SYTL3: variants seen among roughly 807,000 people sequenced by gnomAD.
The protein encoded by SYTL3 is synaptotagmin like 3.
A neutral mutation model predicts 82.1 loss-of-function variants in SYTL3; 88 were observed. The observed-to-expected ratio is 1.07, with a 90% CI of 0.90 to 1.28. SYTL3 has a LOEUF of 1.28. Among genes scored for constraint, SYTL3 ranks in the 50% most tolerant of loss-of-function variants. The pLI is 0.00. For missense variants in SYTL3, 831 were observed against 757.6 expected, an observed-to-expected ratio of 1.10 and a Z score of -1.14; for synonymous variants, 311 against 289.4, an observed-to-expected ratio of 1.07 and a Z score of -0.76.
At position 158,707,529 on chromosome 6, in the gene SYTL3, T is replaced by G. The variant is rs142561728; in HGVS notation, c.446+248T>G. Among the ~76,000 whole-genome samples, 21 of 152,382 alleles carry G rather than the reference T, an allele frequency of 1.4e-4. No homozygotes were observed. In the East Asian group the frequency reaches 3.7e-3, roughly 27 times the overall value. ...TAGACATTCAGCTCTACTTCTTAAATTCTCCTGAAGTGTTATAAGGAAACT... is the reference window on the plus strand; with the variant it reads ...TAGACATTCAGCTCTACTTCTTAAAGTCTCCTGAAGTGTTATAAGGAAACT... On this transcript the variant is annotated intron_variant, in intron 7 of 17. Transcript: ENST00000611299.
intron 11 of SYTL3, among the ~76,000 whole-genome samples, chr6:158,727,689 C>CTTTTTT (rs55657606): frequency 2.8e-5 from 3 of 106,728 alleles, no homozygotes; most frequent in African/African-American, 8.7e-5. Context: ...TCCAAGTACT[C>CTTTTTT]TTTTTTTTTT....
intron 11 of SYTL3, among the ~76,000 whole-genome samples, chr6:158,733,959 G>C (rs1475576484): frequency 1.3e-5 from 2 of 151,794 alleles, no homozygotes; most frequent in East Asian, 3.9e-4. Context: ...TTAGCCAGGC[G>C]TGATGGCGGG....
chr6:158,653,103 T>C (rs1788231723), intron 2 of SYTL3, among the ~76,000 whole-genome samples: 2 of 152,228 alleles, frequency 1.3e-5, no homozygotes. Flanking sequence ...ATGCGTGCTG[T>C]CTCATTGTTG....
At chr6:158,714,464 C>T (rs1783129845) in intron 9 of SYTL3, among the ~76,000 whole-genome samples, 1 of 151,894 alleles carries the variant, frequency 6.6e-6, no homozygotes, top group African/African-American at 2.4e-5. Flanking sequence ...AATTACTTGC[C>T]TTTCTCCTCT....
At chr6:158,695,996 A>G (rs1780516908) in intron 6 of SYTL3, among the ~76,000 whole-genome samples, 2 of 152,206 alleles carry the variant, frequency 1.3e-5, no homozygotes, top group African/African-American at 4.8e-5. Flanking sequence ...ACATTGGTGT[A>G]CAAATATTTA....
chr6:158,757,418 C>T (rs770016278), intron 14 of SYTL3, 37 bp downstream of exon 14: 2 of 1,603,766 alleles, frequency 1.2e-6, no homozygotes, highest in East Asian at 2.2e-5. Context: ...CCTCCATCCC[C>T]ACTGTGATAG....
intron 6 of SYTL3, among the ~76,000 whole-genome samples, chr6:158,684,810 T>TAAA (rs370131896): frequency 5.6e-5 from 7 of 125,484 alleles, no homozygotes; most frequent in African/African-American, 1.8e-4. Flanking sequence ...TGGCTCTTCT[T>TAAA]AAAAAAAAAA....
In SYTL3 at chr6:158,680,763, T is replaced by C. The variant is rs79468890; in HGVS notation, c.330-2162T>C. 8.4e-3 allele frequency among the ~76,000 whole-genome samples: 1,275 copies of C among 152,128 alleles called. 8 individuals carry two copies. The highest frequency in any genetic ancestry group is 0.021 in the South Asian group (100 of 4,810). ...CCAGACCCTGTCTCAAAAAAAATTATGAAATTCTTAAATGCTCTTTCTATA... is the reference window on the plus strand; with the variant it reads ...CCAGACCCTGTCTCAAAAAAAATTACGAAATTCTTAAATGCTCTTTCTATA... On this transcript the variant is annotated intron_variant, in intron 5 of 17. Transcript: ENST00000611299.
chr6:158,703,783 A>G (rs1358315295), intron 6 of SYTL3, among the ~76,000 whole-genome samples: 1 of 151,292 alleles, frequency 6.6e-6, no homozygotes, highest in Non-Finnish European at 1.5e-5. Flanking sequence ...GCATGCTTTC[A>G]TATGTCCTGT....
At chr6:158,723,112 T>TG (rs1784321123) in intron 10 of SYTL3, among the ~76,000 whole-genome samples, 1 of 121,006 alleles carries the variant, frequency 8.3e-6, no homozygotes, top group Non-Finnish European at 1.7e-5. Flanking sequence ...TTTTTTTTTT[T>TG]GAGACAGAGT....
intron 8 of SYTL3, among the ~76,000 whole-genome samples, chr6:158,709,420 G>A (rs1450686391): frequency 6.6e-6 from 1 of 152,112 alleles, no homozygotes. Context: ...TGCAAAGTAC[G>A]GTTTCTACTG....
At chr6:158,679,489 A>G (rs1778416547) in intron 5 of SYTL3, among the ~76,000 whole-genome samples, 1 of 152,198 alleles carries the variant, frequency 6.6e-6, no homozygotes, top group South Asian at 2.1e-4. Context: ...ACCCGGGCCA[A>G]ACCTAGTATT....
intron 10 of SYTL3, among the ~76,000 whole-genome samples, chr6:158,719,522 C>T (rs1783823801): frequency 6.6e-6 from 1 of 152,202 alleles, no homozygotes; most frequent in South Asian, 2.1e-4. Flanking sequence ...TCTCAGACCA[C>T]ACTTCAGGAG....
chr6:158,761,851 T>C (rs1339761588), intron 15 of SYTL3, among the ~76,000 whole-genome samples: 1 of 152,112 alleles, frequency 6.6e-6, no homozygotes, highest in Non-Finnish European at 1.5e-5. Flanking sequence ...ATCTTAGTAA[T>C]CCCTCCATCC....
At position 158,746,459 on chromosome 6, in the gene SYTL3, A is replaced by ATTATTATTATTATTAT. The variant is rs1554263762; in HGVS notation, c.1034+802_1034+803insTATTATTATTATTATT. Among the ~76,000 whole-genome samples, 11 of 142,060 alleles carry ATTATTATTATTATTAT rather than the reference A, an allele frequency of 7.7e-5. No individual in the cohort carries two copies. The South Asian group carries it at 9.0e-4, about 12-fold the overall frequency. The allele number at this position is 142,060 out of a possible 152,430, so 93.2% of individuals were successfully genotyped here. A position where few individuals can be genotyped will look rare whatever the true frequency, so the allele number is the denominator to read the frequency against. ...CACCATTATAATAATAATAATAATA[A>ATTATTATTATTATTAT]TATTATTATTATTATTATTATTTTG... On this transcript the variant is annotated intron_variant, in intron 12 of 17. Transcript: ENST00000611299.
intron 11 of SYTL3, among the ~76,000 whole-genome samples, chr6:158,735,782 G>A (rs1786062383): frequency 6.6e-6 from 1 of 152,200 alleles, no homozygotes; most frequent in Non-Finnish European, 1.5e-5. Context: ...GACCACTTTA[G>A]TAAATTTTAA....
At chr6:158,650,777 TAA>T (rs11464035) in intron 1 of SYTL3, among the ~76,000 whole-genome samples, 16 of 138,192 alleles carry the variant, frequency 1.2e-4, no homozygotes, top group Non-Finnish European at 1.3e-4. Context: ...ACCCCATCTC[TAA>T]AAAAAAAAAA....
chr6:158,745,820 G>A (rs540560867), intron 12 of SYTL3, among the ~76,000 whole-genome samples, 162 bp downstream of exon 12: 11 of 152,014 alleles, frequency 7.2e-5, no homozygotes, highest in Middle Eastern at 3.4e-3. Flanking sequence ...CAAACAATGT[G>A]TTATTGATAC....
At position 158,725,089 on chromosome 6, in the gene SYTL3, A is replaced by G. The variant is rs116930353; in HGVS notation, c.721-414A>G. 3.9e-3 allele frequency among the ~76,000 whole-genome samples: 596 copies of G among 150,938 alleles called. 25 individuals carry two copies. The East Asian group carries it at 0.1, about 26-fold the overall frequency. The stretch of plus-strand genomic sequence containing the variant: ...AAGTATTTTTAGAAAATTTAGAGAC[A>G]TATTTTGATTTTTCCCTTTTTATAA... On this transcript the variant is annotated intron_variant, in intron 10 of 17. Transcript: ENST00000611299.
Sources: gnomAD v4.1 joint callset for allele counts (sites outside exome capture counted in the v4.1 genomes callset) on GRCh38, gnomAD v4.1.1 for gene constraint, MANE v1.5 for transcripts, NCBI Gene and HGNC (gene_info 2026-07-23, HGNC 2026-07-21) for gene names.